AKT3: variants seen among roughly 807,000 people sequenced by gnomAD.
The protein encoded by AKT3 is RAC-gamma serine/threonine-protein kinase.
Under a neutral mutation model 65.3 loss-of-function variants are expected in AKT3, and 15 were observed. That is an observed-to-expected ratio of 0.23 (90% CI 0.15 to 0.35). The LOEUF is 0.35. Among genes scored for constraint, AKT3 ranks in the 10% least tolerant of loss-of-function variants. The pLI is 1.00. For synonymous variants in AKT3, 206 were observed against 183.8 expected (o/e 1.12, Z -0.98); for missense variants, 243 against 576.5 (o/e 0.42, Z 5.92).
rs376741904 is a variant in AKT3, at chr1:243,772,464, C to A, written c.46+70661G>T. Among the ~76,000 whole-genome samples the A allele has an allele frequency of 4.6e-5, 7 of 152,122 alleles. No homozygotes were observed. In the East Asian group the frequency reaches 5.8e-4, roughly 13 times the overall value. ...CTCTTCATCACTGGCCATCAGAGAACTGCAAATCAAAACCACAATGAGATA... is the reference window on the plus strand; with the variant it reads ...CTCTTCATCACTGGCCATCAGAGAAATGCAAATCAAAACCACAATGAGATA... On this transcript the variant is annotated intron_variant, in intron 2 of 13. Transcript: ENST00000673466.
At chr1:243,629,349 T>C (rs1458318025) in intron 6 of AKT3, among the ~76,000 whole-genome samples, 2 of 152,130 alleles carry the variant, frequency 1.3e-5, no homozygotes, top group Non-Finnish European at 2.9e-5. Context: ...ATGAGAATCA[T>C]TATGGGAATT....
At chr1:243,718,561 TG>T (rs1296937484) in intron 2 of AKT3, among the ~76,000 whole-genome samples, 1 of 152,126 alleles carries the variant, frequency 6.6e-6, no homozygotes, top group Non-Finnish European at 1.5e-5. Flanking sequence ...GTGATTCTCC[TG>T]CCTCAGCCTC....
intron 3 of AKT3, among the ~76,000 whole-genome samples, chr1:243,671,044 C>A (rs2147941300): frequency 6.6e-6 from 1 of 151,776 alleles, no homozygotes; most frequent in African/African-American, 2.4e-5. Context: ...AAAATAACAT[C>A]CAATGTGAAA....
At chr1:243,622,156 C>A (rs562632220) in intron 6 of AKT3, among the ~76,000 whole-genome samples, 1 of 152,174 alleles carries the variant, frequency 6.6e-6, no homozygotes, top group African/African-American at 2.4e-5. Flanking sequence ...CCTAGCTATT[C>A]AAAGAATGTG....
At chr1:243,583,151 C>G (rs1229679809) in intron 8 of AKT3, among the ~76,000 whole-genome samples, 1 of 134,342 alleles carries the variant, frequency 7.4e-6, no homozygotes, top group East Asian at 2.0e-4. Flanking sequence ...ATATCTCTCT[C>G]TTCCATGTAT....
At chr1:243,709,675 A>T (rs1237144480) in intron 2 of AKT3, among the ~76,000 whole-genome samples, 1 of 152,056 alleles carries the variant, frequency 6.6e-6, no homozygotes, top group Non-Finnish European at 1.5e-5. Flanking sequence ...TTAACAGTTG[A>T]ACATACTACA....
chr1:243,648,520 T>C (rs957059136), intron 4 of AKT3, among the ~76,000 whole-genome samples: 18 of 152,184 alleles, frequency 1.2e-4, no homozygotes, highest in South Asian at 2.1e-4. Flanking sequence ...CACAAGTGTA[T>C]TGGGCTATAG....
At chr1:243,557,304 G>A (rs1673476526) in intron 10 of AKT3, among the ~76,000 whole-genome samples, 1 of 152,036 alleles carries the variant, frequency 6.6e-6, no homozygotes, top group Non-Finnish European at 1.5e-5. Context: ...AGTGTTTCCA[G>A]TTAGGGTTAG....
chr1:243,496,062 A>C (rs1667777700), downstream of AKT3, among the ~76,000 whole-genome samples: 1 of 152,242 alleles, frequency 6.6e-6, no homozygotes, highest in African/African-American at 2.4e-5. Context: ...CCCAGAGCCC[A>C]GCACAGATGA....
chr1:243,552,187 G>T (rs954107318), intron 11 of AKT3, among the ~76,000 whole-genome samples: 1 of 148,438 alleles, frequency 6.7e-6, no homozygotes, highest in Non-Finnish European at 1.5e-5. Flanking sequence ...CACTCGGGAG[G>T]CTGAGGCAGG....
chr1:243,850,301 C>CGGCGGT (rs1169317770), upstream of AKT3, among the ~76,000 whole-genome samples: 38 of 123,312 alleles, frequency 3.1e-4, no homozygotes, highest in Admixed American at 2.9e-3. Context: ...CGGGAGGCGG[C>CGGCGGT]GGCGGCGGCG....
At position 243,573,565 on chromosome 1, in the gene AKT3, A is replaced by C. The variant is rs139515720; in HGVS notation, c.697-517T>G. ...TATTTTCAAAGTCAAATTATTATTG[A>C]AAATAGAAAATAATTTGACATTTTC... is the stretch of plus-strand genomic sequence containing the variant. On this transcript the variant is annotated intron_variant, in intron 8 of 13. Coordinates refer to ENST00000673466, the MANE Select transcript of AKT3 (RefSeq NM_005465.7). Among the ~76,000 whole-genome samples, 452 of 152,368 alleles carry C rather than the reference A, an allele frequency of 3.0e-3. 6 individuals carry two copies. Among genetic ancestry groups the C allele is most frequent in the East Asian group, 0.024 (124 of 5,188 alleles).
intron 3 of AKT3, among the ~76,000 whole-genome samples, chr1:243,670,100 G>A (rs889236076): frequency 1.1e-4 from 17 of 152,116 alleles, no homozygotes; most frequent in African/African-American, 3.9e-4. Context: ...GCTATAAAGG[G>A]TTTAATCAGG....
At chr1:243,674,746 G>T (rs1260566219) in intron 3 of AKT3, among the ~76,000 whole-genome samples, 1 of 152,200 alleles carries the variant, frequency 6.6e-6, no homozygotes, top group African/African-American at 2.4e-5. Context: ...CCAGTTTTAG[G>T]CAACAAGTGG....
At chr1:243,516,036 A>C (rs1670332058) in intron 12 of AKT3, among the ~76,000 whole-genome samples, 2 of 152,316 alleles carry the variant, frequency 1.3e-5, no homozygotes, top group Admixed American at 1.3e-4. Context: ...TCACAGAATG[A>C]ACTGAGAAAT....
At chr1:243,599,980 A>C (rs999327578) in intron 8 of AKT3, among the ~76,000 whole-genome samples, 1 of 152,154 alleles carries the variant, frequency 6.6e-6, no homozygotes, top group Non-Finnish European at 1.5e-5. Context: ...ATAAGTAAAC[A>C]TCAACTGTAT....
intron 12 of AKT3, among the ~76,000 whole-genome samples, chr1:243,523,483 AAGTATGTTTTTTG>A (rs1001132147): frequency 6.6e-6 from 1 of 152,204 alleles, no homozygotes; most frequent in Non-Finnish European, 1.5e-5. Flanking sequence ...AAGAAAAAAG[AAGTATGTTTTTTG>A]AGCATCTCTT....
chr1:243,581,746 A>T (rs191195148), intron 8 of AKT3, among the ~76,000 whole-genome samples: 2 of 152,214 alleles, frequency 1.3e-5, no homozygotes, highest in East Asian at 3.9e-4. Context: ...TCCCTAACCA[A>T]AATGGAAACT....
At chr1:243,665,241 G>A (rs767391248) in intron 3 of AKT3, among the ~76,000 whole-genome samples, 1 of 152,092 alleles carries the variant, frequency 6.6e-6, no homozygotes, top group African/African-American at 2.4e-5. Flanking sequence ...GATCCTTGAA[G>A]GTCCAGATCA....
Sources: gnomAD v4.1 joint callset for allele counts (sites outside exome capture counted in the v4.1 genomes callset) on GRCh38, gnomAD v4.1.1 for gene constraint, MANE v1.5 for transcripts, NCBI Gene and HGNC (gene_info 2026-07-23, HGNC 2026-07-21) for gene names.